RALGAPA2: variants seen among roughly 807,000 people sequenced by gnomAD.
RALGAPA2 encodes ral GTPase-activating protein subunit alpha-2.
RALGAPA2 carries 139 observed loss-of-function variants against 230.4 expected under a neutral mutation model. The observed-to-expected ratio is 0.60, with a 90% confidence interval of 0.53 to 0.69. The LOEUF (loss-of-function observed/expected upper bound fraction) is 0.69, where lower values mean the gene tolerates loss of function less well. Among genes scored for constraint, RALGAPA2 ranks in the 30% least tolerant of loss-of-function variants. The probability of loss-of-function intolerance (pLI) is 0.00; values close to 1 mark genes in which losing one functional copy is unlikely to be tolerated. For missense variants in RALGAPA2, 2,163 were observed against 2,276.0 expected, an observed-to-expected ratio of 0.95 and a Z score of 1.01; for synonymous variants, 847 against 837.8, an observed-to-expected ratio of 1.01 and a Z score of -0.19.
chr20:20,528,424 T>G (rs1188305954), intron 27 of RALGAPA2, among the ~76,000 whole-genome samples: 1 of 151,828 alleles, frequency 6.6e-6, no homozygotes, highest in African/African-American at 2.4e-5. Flanking sequence ...GGTGAGTGTG[T>G]GAGGGATGGA....
chr20:20,564,085 G>A (rs550353566), intron 23 of RALGAPA2, among the ~76,000 whole-genome samples: 1 of 152,274 alleles, frequency 6.6e-6, no homozygotes, highest in East Asian at 1.9e-4. Context: ...TTGTGGTCAT[G>A]TGGAGTATCA....
At chr20:20,573,863 T>C (rs2064734358) in intron 20 of RALGAPA2, among the ~76,000 whole-genome samples, 2 of 152,250 alleles carry the variant, frequency 1.3e-5, no homozygotes, top group African/African-American at 4.8e-5. Flanking sequence ...TTGTTCCTGT[T>C]TTTTGGCAAT....
At chr20:20,581,211 C>T (rs2064974650) in intron 20 of RALGAPA2, among the ~76,000 whole-genome samples, 1 of 152,060 alleles carries the variant, frequency 6.6e-6, no homozygotes. Flanking sequence ...CAATACATAC[C>T]CTGAAATGGG....
intron 35 of RALGAPA2, 38 bp from the exon 36 acceptor site, chr20:20,495,313 TAAC>T: frequency 6.9e-7 from 1 of 1,454,896 alleles, no homozygotes; most frequent in Non-Finnish European, 9.2e-7. Context: ...ATCAGGGTGA[TAAC>T]AGCAGTTTAT....
chr20:20,566,015 A>G (rs944827816), intron 23 of RALGAPA2, among the ~76,000 whole-genome samples: 2 of 152,254 alleles, frequency 1.3e-5, no homozygotes, highest in African/African-American at 4.8e-5. Flanking sequence ...AAAGCTGGTA[A>G]GCAGGAACAC....
Position 20,493,899 on chromosome 20 carries a change from T to C in RALGAPA2, c.5367+1218A>G, listed in dbSNP as rs542474848. On this transcript the variant is annotated intron_variant, in intron 36 of 39. Transcript: ENST00000202677. ...ACTTTTGGCATCTGCGTTCCCTCAA[T>C]AGAAAAGAGGGTTCCCTTTATGTCA... is the stretch of plus-strand genomic sequence containing the variant. Among the ~76,000 whole-genome samples, 15 of 152,272 alleles carry C rather than the reference T, an allele frequency of 9.9e-5. No individual in the cohort carries two copies. In the East Asian group the frequency reaches 1.3e-3, roughly 14 times the overall value.
At chr20:20,514,630 C>T (rs956736342) in intron 31 of RALGAPA2, among the ~76,000 whole-genome samples, 3 of 152,206 alleles carry the variant, frequency 2.0e-5, no homozygotes, top group Admixed American at 1.3e-4. Flanking sequence ...ATTCAGAGCA[C>T]CCACTCATCT....
chr20:20,512,240 TACACAC>T lies in RALGAPA2; in HGVS notation c.4856+267_4856+272del, dbSNP rs370439645. Among the ~76,000 whole-genome samples the T allele has an allele frequency of 2.4e-4, 33 of 138,434 alleles. 2 individuals carry two copies. Among genetic ancestry groups the T allele is most frequent in the Non-Finnish European group, 2.0e-4 (13 of 63,642 alleles). The allele number at this position is 138,434 out of a possible 152,430, so 90.8% of individuals were successfully genotyped here. On this transcript the variant is annotated intron_variant, in intron 32 of 39. Transcript: ENST00000202677. ...AACCCCCCCTACACACACACACACATACACACACACACACACACACACACACACAAA... is the reference window on the plus strand; with the variant it reads ...AACCCCCCCTACACACACACACACATACACACACACACACACACACACAAA...
In RALGAPA2 at chr20:20,689,597, G is replaced by A. The variant is rs140420918; in HGVS notation, c.107-8796C>T. Among the ~76,000 whole-genome samples the A allele has an allele frequency of 5.5e-3, 833 of 152,308 alleles. 7 individuals carry two copies. The highest frequency in any genetic ancestry group is 0.019 in the African/African-American group (790 of 41,570). ...GCGGAGGTTGCAGTGAGCCGAGATC[G>A]CGCCACTGCACACCAGCCTGGTGAC... On this transcript the variant is annotated intron_variant, in intron 1 of 39. Transcript: ENST00000202677.
chr20:20,418,900 G>A (rs2060220405), intron 37 of RALGAPA2, among the ~76,000 whole-genome samples: 2 of 152,036 alleles, frequency 1.3e-5, no homozygotes, highest in Admixed American at 6.6e-5. Context: ...CACCATGCCT[G>A]GCTAATTTTT....
At chr20:20,552,829 C>G (rs2063967368) in intron 23 of RALGAPA2, among the ~76,000 whole-genome samples, 2 of 152,146 alleles carry the variant, frequency 1.3e-5, no homozygotes, top group African/African-American at 2.4e-5. Flanking sequence ...TCTCTCATTT[C>G]TGCTAGTGGG....
chr20:20,595,808 C>T (rs1395395686), intron 16 of RALGAPA2, among the ~76,000 whole-genome samples: 2 of 151,940 alleles, frequency 1.3e-5, no homozygotes, highest in East Asian at 1.9e-4. Flanking sequence ...AAAAACTTAG[C>T]TGTGCATGGC....
In RALGAPA2 at chr20:20,584,930, G is replaced by C. The variant is rs755750654; in HGVS notation, c.2465C>G (p.Pro822Arg). 6.2e-7 allele frequency: 1 copy of C among 1,610,672 alleles called. No individual in the cohort carries two copies. Among genetic ancestry groups the C allele is most frequent in the Non-Finnish European group, 8.5e-7 (1 of 1,178,222 alleles). Residue 822 changes from proline to arginine, a missense_variant, in exon 19 of 40, where the codon CCT becomes CGT. Transcript: ENST00000202677. ...ATCATCTTTCAAATCCAATTCAGCA[G>C]GGCTGCTGCTTCTTCGAACTAAGAT... Reference protein sequence around the residue: ...ITILVRRSSSPAELDLKDDLQ... With the variant: ...ITILVRRSSSRAELDLKDDLQ...
rs1403118626 is a variant in RALGAPA2, at chr20:20,476,665, A to C, written c.5368-3709T>G. ...AAGGATTTTTTAGGGTACAAAAGGC[A>C]TAAATCATAAAATAAATAAATAAAT... is the stretch of plus-strand genomic sequence containing the variant. On this transcript the variant is annotated intron_variant, in intron 36 of 39. Transcript: ENST00000202677. 2.1e-5 allele frequency among the ~76,000 whole-genome samples: 3 copies of C among 142,200 alleles called. No individual in the cohort carries two copies. In the Admixed American group the frequency reaches 2.2e-4, roughly 11 times the overall value. The allele number at this position is 142,200 out of a possible 152,430, so 93.3% of individuals were successfully genotyped here.
At position 20,639,668 on chromosome 20, in the gene RALGAPA2, T is replaced by C; in HGVS notation, c.666+117A>G. On this transcript the variant is annotated intron_variant, in intron 7 of 39. Transcript: ENST00000202677. ...GCATTTGCTGAAATATCACATAAAA[T>C]CACCTCAAAGAAAAAGAAAGAGGAA... The C allele has an allele frequency of 6.8e-6, 5 of 735,152 alleles. No homozygotes were observed. The South Asian group carries it at 9.1e-5, about 13-fold the overall frequency. The allele number at this position is 735,152 out of a possible 1,614,324, so 45.5% of individuals were successfully genotyped here.
chr20:20,512,838 AAG>A lies in RALGAPA2; in HGVS notation c.4529_4530del (p.Ser1510PhefsTer4). On this transcript the variant is annotated frameshift_variant, in exon 32 of 40. Transcript: ENST00000202677. LOFTEE classifies it high-confidence loss of function. ...HRDTFGPQKDSSQVEEGDDVL... is the reference protein window; with the variant it reads ...HRDTFGPQKDXSQVEEGDDVL... ...ACATCATCCCCCTCCTCAACTTGAG[AAG>A]AGTCTTTCTGAGGTCCAAATGTGTC... is the stretch of plus-strand genomic sequence containing the variant. The A allele has an allele frequency of 6.2e-7, 1 of 1,613,388 alleles. No individual in the cohort carries two copies. The highest frequency in any genetic ancestry group is 8.5e-7 in the Non-Finnish European group (1 of 1,179,318).
chr20:20,568,224 C>A (rs1030168359), intron 23 of RALGAPA2, among the ~76,000 whole-genome samples: 3 of 152,104 alleles, frequency 2.0e-5, no homozygotes, highest in Non-Finnish European at 4.4e-5. Flanking sequence ...AAAAAAAATT[C>A]ATTGTCAAGG....
chr20:20,555,664 T>C (rs1369154192), intron 23 of RALGAPA2, among the ~76,000 whole-genome samples: 2 of 152,248 alleles, frequency 1.3e-5, no homozygotes, highest in African/African-American at 2.4e-5. Context: ...TTTGATGCTA[T>C]TGTAAATAGA....
intron 3 of RALGAPA2, among the ~76,000 whole-genome samples, chr20:20,672,476 A>G (rs1228094070): frequency 6.6e-6 from 1 of 152,264 alleles, no homozygotes; most frequent in African/African-American, 2.4e-5. Flanking sequence ...AACCAGCCAC[A>G]TAAGAATGCC....
Sources: gnomAD v4.1 joint callset for allele counts (sites outside exome capture counted in the v4.1 genomes callset) on GRCh38, gnomAD v4.1.1 for gene constraint, MANE v1.5 for transcripts, NCBI Gene and HGNC (gene_info 2026-07-23, HGNC 2026-07-21) for gene names.